The following KCP variants were observed in gnomAD, a reference collection of about 807,000 sequenced individuals.
The protein encoded by KCP is kielin/chordin-like protein.
In KCP, 194 loss-of-function variants were observed where a neutral mutation model predicts 212.7. The ratio of observed to expected loss-of-function variants is 0.91; its 90% CI spans 0.81 to 1.03. The LOEUF (loss-of-function observed/expected upper bound fraction) is 1.03, where lower values mean the gene tolerates loss of function less well. Among genes scored for constraint, KCP ranks in the 50% least tolerant of loss-of-function variants. The pLI, the probability that KCP is intolerant of heterozygous loss-of-function variation, is 0.00. For synonymous variants in KCP, 833 were observed against 865.3 expected (o/e 0.96, Z 0.65); for missense variants, 2,080 against 2,162.5 (o/e 0.96, Z 0.76).
chr7:128,881,819 G>T, intron 30 of KCP, 94 bp from the exon 31 acceptor site: 1 of 1,382,110 alleles, frequency 7.2e-7, no homozygotes, highest in Middle Eastern at 1.8e-4. Flanking sequence ...CAGGACAAGT[G>T]GGCAAATGTC....
chr7:128,904,457 C>T (rs142536255), intron 5 of KCP: 36 of 1,117,202 alleles, frequency 3.2e-5, no homozygotes, highest in South Asian at 7.2e-5. Context: ...TCTCCCTCCT[C>T]GTCCCTTCCT....
intron 36 of KCP, 46 bp downstream of exon 36, chr7:128,879,672 T>C: frequency 9.0e-6 from 14 of 1,549,080 alleles, no homozygotes; most frequent in Non-Finnish European, 1.2e-5. Flanking sequence ...GGCACATGGG[T>C]GGACAGCACA....
rs1325636214 is a variant in KCP, at chr7:128,885,394, G to A, written c.2867-124C>T. ...GAGTGAGTTTGCAGGGATATGGCGG[G>A]AAGGTGCGATGGGGCAGAACTCCTG... On this transcript the variant is annotated intron_variant, in intron 26 of 39. Transcript: ENST00000610776. 7.1e-6 allele frequency: 7 copies of A among 987,870 alleles called. No homozygotes were observed. The African/African-American group carries it at 8.1e-5, about 11-fold the overall frequency. The allele number at this position is 987,870 out of a possible 1,614,324, so 61.2% of individuals were successfully genotyped here.
chr7:128,907,990 A>T (rs978989059), intron 2 of KCP, among the ~76,000 whole-genome samples: 2 of 151,798 alleles, frequency 1.3e-5, no homozygotes, highest in African/African-American at 2.4e-5. Flanking sequence ...TTAGCCGGGT[A>T]TGGTGGTGCA....
chr7:128,890,880 G>T, intron 20 of KCP, 25 bp downstream of exon 20: 1 of 1,248,630 alleles, frequency 8.0e-7, no homozygotes, highest in South Asian at 3.7e-5. Context: ...GCGGGTGGCC[G>T]GGAGGGGCAC....
At chr7:128,902,418 C>G (rs1794899902) in intron 8 of KCP, among the ~76,000 whole-genome samples, 1 of 152,214 alleles carries the variant, frequency 6.6e-6, no homozygotes, top group South Asian at 2.1e-4. Flanking sequence ...GCTCAGTAGC[C>G]ACAGGTAGTA....
At chr7:128,907,223 G>T in intron 3 of KCP, 41 bp downstream of exon 3, 2 of 1,540,250 alleles carry the variant, frequency 1.3e-6, no homozygotes, top group East Asian at 2.5e-5. Context: ...CCATCTGCAG[G>T]TCTTTAGGTG....
intron 2 of KCP, among the ~76,000 whole-genome samples, chr7:128,908,057 A>G (rs540981516): frequency 1.9e-4 from 28 of 150,450 alleles, no homozygotes; most frequent in African/African-American, 6.9e-4. Context: ...TGAACCCAGG[A>G]GGCAGAGGTT....
In KCP at chr7:128,908,550, T is replaced by C. The variant is rs1795276285; in HGVS notation, c.95A>G (p.Glu32Gly). The change falls in exon 2 of 40, where the codon GAG (glutamate) becomes GGG (glycine). Residue 32 changes from glutamate to glycine, a missense_variant. Physicochemically the swap from Glu to Gly is moderately conservative, Grantham distance 98. Coordinates refer to ENST00000610776, the MANE Select transcript of KCP (RefSeq NM_001366122.1). ...AGAEGGAVPR[E>G]PPGQQTTAHS... is the part of the protein sequence containing the mutation. The stretch of plus-strand genomic sequence containing the variant: ...GGCAGTTGTCTGCTGCCCAGGGGGC[T>C]CCCTGGGGACAGCCCCACCTGAAGG... 1 of 1,551,138 alleles carries C rather than the reference T, an allele frequency of 6.4e-7. No homozygotes were observed. The highest frequency in any genetic ancestry group is 8.7e-7 in the Non-Finnish European group (1 of 1,146,690).
At chr7:128,906,211 T>C (rs1795110305) in intron 5 of KCP, 68 bp downstream of exon 5, 1 of 1,304,416 alleles carries the variant, frequency 7.7e-7, no homozygotes, top group Non-Finnish European at 1.1e-6. Flanking sequence ...CTCACTGAGG[T>C]GGCAGGCTGT....
rs781029711 is a variant in KCP at position 128,879,772 on chromosome 7, C to G, written c.3990G>C (p.Val1330=). The G allele has an allele frequency of 8.4e-6, 13 of 1,550,668 alleles. No homozygotes were observed. The South Asian group carries it at 1.5e-4, about 18-fold the overall frequency. The change falls in exon 36 of 40, where the codon GTG becomes GTC. Residue 1330 remains valine, a synonymous_variant. Transcript: ENST00000610776. Reference sequence around the variant, plus strand: ...CGGCCATGTCTCCCAGCAGCACCGCCACCTCCTGGGTCCAGGCCACACCGC... The same window carrying G: ...CGGCCATGTCTCCCAGCAGCACCGCGACCTCCTGGGTCCAGGCCACACCGC... ...GRSGVAWTQE[V]AVLLGDMAVR...
chr7:128,903,995 C>T, intron 6 of KCP, 61 bp downstream of exon 6: 1 of 1,477,218 alleles, frequency 6.8e-7, no homozygotes, highest in African/African-American at 1.4e-5. Context: ...AGGCAGGGCC[C>T]AGGGCAGGGC....
rs745408509 is a variant in KCP at position 128,891,733 on chromosome 7, C to T, written c.1708G>A (p.Gly570Ser). Residue 570 changes from glycine (G) to serine (S), a missense_variant, in exon 17 of 40, where the codon GGC becomes AGC. Transcript: ENST00000610776. Reference sequence around the variant, plus strand: ...GGGCGAGGCTGGCAGTGGGCATGGCCTTCCTGGCATCGGCACTCCTGGCAG... The same window carrying T: ...GGGCGAGGCTGGCAGTGGGCATGGCTTTCCTGGCATCGGCACTCCTGGCAG... ...DPCQECRCQEGHAHCQPRPCP... is the reference protein window; with the variant it reads ...DPCQECRCQESHAHCQPRPCP... 9.0e-6 allele frequency: 13 copies of T among 1,445,740 alleles called. No homozygotes were observed. In the South Asian group the frequency reaches 1.8e-4, roughly 20 times the overall value. The allele number at this position is 1,445,740 out of a possible 1,614,324, so 89.6% of individuals were successfully genotyped here.
intron 2 of KCP, 82 bp downstream of exon 2, chr7:128,908,344 C>A (rs1378730009): frequency 6.0e-6 from 8 of 1,322,492 alleles, no homozygotes; most frequent in South Asian, 3.2e-5. Context: ...TAGGCTCCCC[C>A]CTCCAAGCCT....
At chr7:128,885,877 G>A (rs568808208) in intron 26 of KCP, among the ~76,000 whole-genome samples, 13 of 151,674 alleles carry the variant, frequency 8.6e-5, no homozygotes, top group African/African-American at 2.7e-4. Context: ...CCACTTTCTC[G>A]TCTGTAAAAT....
At chr7:128,886,813 A>AAGGGAAGGGGGAGGGAGAGGC in intron 24 of KCP, 63 bp downstream of exon 24, 1 of 1,448,468 alleles carries the variant, frequency 6.9e-7, no homozygotes, top group Non-Finnish European at 9.5e-7. Flanking sequence ...GCCTGGCAGG[A>AAGGGAAGGGGGAGGGAGAGGC]AGGGAAGGGG....
chr7:128,897,519 A>G (rs1458237631), intron 8 of KCP, among the ~76,000 whole-genome samples: 1 of 152,224 alleles, frequency 6.6e-6, no homozygotes, highest in Non-Finnish European at 1.5e-5. Context: ...TGGTTTAATA[A>G]GAGCTTATTT....
chr7:128,889,432 C>T (rs1465114047), intron 21 of KCP, among the ~76,000 whole-genome samples: 3 of 152,164 alleles, frequency 2.0e-5, no homozygotes, highest in Non-Finnish European at 2.9e-5. Flanking sequence ...CACGCTCTTC[C>T]GAGCCCACTG....
At chr7:128,905,211 T>C (rs1353693829) in intron 5 of KCP, among the ~76,000 whole-genome samples, 1 of 152,136 alleles carries the variant, frequency 6.6e-6, no homozygotes, top group Non-Finnish European at 1.5e-5. Flanking sequence ...CCAGTAAAAT[T>C]TGAACTTCAG....
Sources: allele counts gnomAD v4.1 joint callset (sites outside exome capture counted in the v4.1 genomes callset), GRCh38; gene constraint gnomAD v4.1.1; transcripts MANE v1.5; gene names NCBI Gene and HGNC (gene_info 2026-07-23, HGNC 2026-07-21).